The following NRXN3 variants were observed in gnomAD, a reference collection of about 807,000 sequenced individuals.
The protein encoded by NRXN3 is neurexin 3.
A neutral mutation model predicts 137.6 loss-of-function variants in NRXN3; 32 were observed. That is an observed-to-expected ratio of 0.23 (90% CI 0.18 to 0.31). The LOEUF is 0.31. Ranked by LOEUF, NRXN3 falls within the 10% of genes least tolerant of loss-of-function variation. The pLI is 1.00. For synonymous variants in NRXN3, 798 were observed against 784.5 expected, an observed-to-expected ratio of 1.02 and a Z score of -0.29; for missense variants, 1,574 against 2,062.5, an observed-to-expected ratio of 0.76 and a Z score of 4.59.
chr14:79,744,853 A>G (rs1176742996), intron 19 of NRXN3, among the ~76,000 whole-genome samples: 1 of 152,130 alleles, frequency 6.6e-6, no homozygotes, highest in African/African-American at 2.4e-5. Context: ...TATGTGGCCA[A>G]TAGGAACCAC....
intron 1 of NRXN3, among the ~76,000 whole-genome samples, chr14:78,236,123 T>G (rs551955931): frequency 4.6e-5 from 7 of 152,212 alleles, no homozygotes; most frequent in African/African-American, 4.8e-5. Context: ...GTTGCTTTTA[T>G]TGAAATATAG....
chr14:78,745,657 GT>G (rs2098603760), intron 8 of NRXN3, among the ~76,000 whole-genome samples: 1 of 152,082 alleles, frequency 6.6e-6, no homozygotes, highest in Admixed American at 6.5e-5. Flanking sequence ...CAGTTTATTT[GT>G]TTTATTCTAT....
rs532522303 is a variant in NRXN3, at chr14:79,660,013, C to T, written c.3445-3765C>T. Among the ~76,000 whole-genome samples the T allele has an allele frequency of 2.0e-4, 30 of 152,240 alleles. 1 individual carries two copies. The highest frequency in any genetic ancestry group is 6.3e-4 in the African/African-American group (26 of 41,550). On this transcript the variant is annotated intron_variant, in intron 16 of 20. Transcript: ENST00000335750. ...ATCCTTACAACAGCCCTATGAAGTA[C>T]GAAATGCTGATATCCTGTCCTTATA...
chr14:79,229,575 G>A (rs1309070062), intron 15 of NRXN3, among the ~76,000 whole-genome samples: 2 of 152,164 alleles, frequency 1.3e-5, no homozygotes, highest in Non-Finnish European at 2.9e-5. Context: ...CCTGTCAGCA[G>A]GATGGAGGAG....
chr14:78,976,883 A>T (rs771232242), intron 14 of NRXN3, among the ~76,000 whole-genome samples: 1 of 152,172 alleles, frequency 6.6e-6, no homozygotes, highest in African/African-American at 2.4e-5. Flanking sequence ...AGAATTGCTG[A>T]TGATCTTTAT....
intron 8 of NRXN3, among the ~76,000 whole-genome samples, chr14:78,793,401 C>T (rs2098811419): frequency 1.3e-5 from 2 of 151,986 alleles, no homozygotes; most frequent in Non-Finnish European, 2.9e-5. Context: ...CCCAAACCAC[C>T]CTCAATCTGC....
rs2099418453 is a variant in NRXN3, at chr14:79,867,327, GGTA to G, written c.*5365_*5367del. 1 of 152,104 alleles carries G rather than the reference GGTA, an allele frequency of 6.6e-6. No homozygotes were observed. Among genetic ancestry groups the G allele is most frequent in the Admixed American group, 6.6e-5 (1 of 15,266 alleles). 9.4% of individuals were successfully genotyped at this position (152,104 alleles called of 1,614,324 possible). The stretch of plus-strand genomic sequence containing the variant: ...TACCCTGGCAAAATACCACAGGCTG[GGTA>G]GACAACTGAAATGTATTTCTCAGTT... On this transcript the variant is annotated 3_prime_UTR_variant, in exon 21 of 21. Transcript: ENST00000335750.
intron 17 of NRXN3, among the ~76,000 whole-genome samples, chr14:79,691,519 G>A (rs541863316): frequency 2.6e-5 from 4 of 151,958 alleles, no homozygotes; most frequent in Admixed American, 2.6e-4. Context: ...TAAAAATGTG[G>A]AACAAATCTG....
intron 15 of NRXN3, among the ~76,000 whole-genome samples, chr14:79,401,100 A>G (rs540720888): frequency 2.6e-5 from 4 of 152,288 alleles, no homozygotes; most frequent in African/African-American, 9.6e-5. Context: ...ATCTCTTCAC[A>G]AACTTTGTGC....
intron 20 of NRXN3, among the ~76,000 whole-genome samples, chr14:79,826,834 A>G (rs2099303953): frequency 6.6e-6 from 1 of 152,216 alleles, no homozygotes; most frequent in Non-Finnish European, 1.5e-5. Context: ...ACAGACCAGT[A>G]AGAGCAAGTA....
At chr14:79,247,754 T>C (rs2075386666) in intron 15 of NRXN3, among the ~76,000 whole-genome samples, 1 of 152,144 alleles carries the variant, frequency 6.6e-6, no homozygotes, top group Admixed American at 6.6e-5. Context: ...TGAGAAAGCT[T>C]CTTTTATTTT....
intron 15 of NRXN3, among the ~76,000 whole-genome samples, chr14:79,142,938 A>C (rs963090359): frequency 6.6e-6 from 1 of 152,232 alleles, no homozygotes; most frequent in Admixed American, 6.5e-5. Context: ...AACTGTAGCC[A>C]TAACTAAGGG....
At chr14:78,867,327 A>G (rs1310369841) in intron 10 of NRXN3, among the ~76,000 whole-genome samples, 1 of 152,186 alleles carries the variant, frequency 6.6e-6, no homozygotes, top group Non-Finnish European at 1.5e-5. Context: ...TTAGCCATTA[A>G]TTTTATAATT....
At chr14:78,451,651 C>G (rs879330143) in intron 4 of NRXN3, among the ~76,000 whole-genome samples, 1 of 152,196 alleles carries the variant, frequency 6.6e-6, no homozygotes, top group Non-Finnish European at 1.5e-5. Context: ...AACGAACTCT[C>G]ACTGCAGCAG....
intron 4 of NRXN3, among the ~76,000 whole-genome samples, chr14:78,527,396 C>A (rs2096396234): frequency 6.6e-6 from 1 of 152,102 alleles, no homozygotes; most frequent in Non-Finnish European, 1.5e-5. Context: ...TTTAAACAAC[C>A]AGATCTTGTA....
At chr14:79,810,949 C>T (rs373177192) in intron 20 of NRXN3, among the ~76,000 whole-genome samples, 2 of 152,078 alleles carry the variant, frequency 1.3e-5, no homozygotes, top group Non-Finnish European at 2.9e-5. Flanking sequence ...TATAGAGATA[C>T]GTTTTGTCAT....
At chr14:79,482,958 C>T (rs1252357019) in intron 16 of NRXN3, among the ~76,000 whole-genome samples, 2 of 152,178 alleles carry the variant, frequency 1.3e-5, no homozygotes, top group Non-Finnish European at 2.9e-5. Context: ...CACATGTTCC[C>T]TTTGATTCAC....
At chr14:79,658,384 G>A (rs55933035) in intron 16 of NRXN3, among the ~76,000 whole-genome samples, 6 of 152,218 alleles carry the variant, frequency 3.9e-5, no homozygotes, top group Admixed American at 1.3e-4. Context: ...CTGCATGTCC[G>A]TAGCAAGTTG....
At chr14:79,243,038 C>G (rs1440409666) in intron 15 of NRXN3, among the ~76,000 whole-genome samples, 1 of 152,040 alleles carries the variant, frequency 6.6e-6, no homozygotes, top group East Asian at 1.9e-4. Context: ...TTCAATTGGC[C>G]TTTCCACCTA....
Sources: allele counts gnomAD v4.1 joint callset (sites outside exome capture counted in the v4.1 genomes callset), GRCh38; gene constraint gnomAD v4.1.1; transcripts MANE v1.5; gene names NCBI Gene and HGNC (gene_info 2026-07-23, HGNC 2026-07-21).